PHF20: variants seen among roughly 807,000 people sequenced by gnomAD.
PHF20 encodes PHD finger protein 20, also known as glioma-expressed antigen 2.
In PHF20, 23 loss-of-function variants were observed where a neutral mutation model predicts 113.5. The observed-to-expected ratio is 0.20, with a 90% confidence interval of 0.15 to 0.29. The LOEUF (loss-of-function observed/expected upper bound fraction) is 0.29, where lower values mean the gene tolerates loss of function less well. Among genes scored for constraint, PHF20 ranks in the 10% least tolerant of loss-of-function variants. PHF20 has a pLI of 1.00. For missense variants in PHF20, 943 were observed against 1,219.6 expected, an observed-to-expected ratio of 0.77 and a Z score of 3.38; for synonymous variants, 434 against 457.3, an observed-to-expected ratio of 0.95 and a Z score of 0.65.
intron 2 of PHF20, among the ~76,000 whole-genome samples, chr20:35,823,989 CAT>C (rs1170070686): frequency 1.3e-5 from 2 of 152,176 alleles, no homozygotes; most frequent in Admixed American, 6.6e-5. Flanking sequence ...TGTTCAAAGA[CAT>C]ATGGATTGTT....
At chr20:35,934,072 GA>G in intron 15 of PHF20, among the ~76,000 whole-genome samples, 1 of 152,372 alleles carries the variant, frequency 6.6e-6, no homozygotes, top group South Asian at 2.1e-4. Flanking sequence ...AACAGTGGCA[GA>G]CTAGTGCGAT....
intron 2 of PHF20, among the ~76,000 whole-genome samples, chr20:35,802,314 TG>T (rs2041794635): frequency 1.3e-5 from 2 of 151,996 alleles, no homozygotes; most frequent in Admixed American, 1.3e-4. Context: ...AAGGTGAGCG[TG>T]GGGTTTTCAG....
At chr20:35,825,925 T>C (rs924045813) in intron 2 of PHF20, among the ~76,000 whole-genome samples, 1 of 152,230 alleles carries the variant, frequency 6.6e-6, no homozygotes, top group Non-Finnish European at 1.5e-5. Context: ...TATACACTTC[T>C]ATAGCCACCA....
intron 2 of PHF20, among the ~76,000 whole-genome samples, chr20:35,835,215 C>T (rs2042419255): frequency 6.6e-6 from 1 of 152,006 alleles, no homozygotes; most frequent in East Asian, 1.9e-4. Flanking sequence ...TCAGAGGTTG[C>T]AGTGAGCTGA....
intron 9 of PHF20, among the ~76,000 whole-genome samples, chr20:35,880,724 G>A (rs939493594): frequency 4.6e-5 from 7 of 152,112 alleles, no homozygotes; most frequent in Non-Finnish European, 8.8e-5. Context: ...ACTTTGGGAG[G>A]CTGACGCGGG....
At chr20:35,860,911 G>T (rs1026871393) in intron 5 of PHF20, among the ~76,000 whole-genome samples, 1 of 152,158 alleles carries the variant, frequency 6.6e-6, no homozygotes, top group Non-Finnish European at 1.5e-5. Context: ...TTGATGGATA[G>T]CACTCACAGT....
intron 15 of PHF20, among the ~76,000 whole-genome samples, chr20:35,936,533 T>G (rs2055868289): frequency 6.6e-6 from 1 of 152,242 alleles, no homozygotes; most frequent in East Asian, 1.9e-4. Context: ...CAGTAGATGC[T>G]CACAGGAGTC....
intron 16 of PHF20, 135 bp from the exon 17 acceptor site, chr20:35,940,728 GA>G: frequency 1.3e-6 from 1 of 761,658 alleles, no homozygotes; most frequent in Non-Finnish European, 2.2e-6. Context: ...TCCTAAGTGG[GA>G]AATAGGAAAG....
intron 15 of PHF20, among the ~76,000 whole-genome samples, chr20:35,932,579 C>T (rs754643961): frequency 2.2e-4 from 33 of 150,582 alleles, no homozygotes; most frequent in Non-Finnish European, 4.7e-4. Flanking sequence ...TACAGGCGCA[C>T]GCCACCACAC....
At chr20:35,832,365 C>G (rs1169187421) in intron 2 of PHF20, among the ~76,000 whole-genome samples, 2 of 152,164 alleles carry the variant, frequency 1.3e-5, no homozygotes, top group Admixed American at 1.3e-4. Flanking sequence ...TATAGACATA[C>G]TTAGATACTT....
rs147223503 is a variant in PHF20, at chr20:35,776,943, T to G, written c.-33+4864T>G. 3.3e-5 allele frequency among the ~76,000 whole-genome samples: 5 copies of G among 152,348 alleles called. No homozygotes were observed. The East Asian group carries it at 9.6e-4, about 29-fold the overall frequency. On this transcript the variant is annotated intron_variant, in intron 1 of 17. Coordinates refer to ENST00000374012, the MANE Select transcript of PHF20 (RefSeq NM_016436.5). ...CTGTGGTAGCTTGTTGCAGCAGATC[T>G]GATTTCTTTCATGTGCTCCCTTGGG...
intron 17 of PHF20, among the ~76,000 whole-genome samples, chr20:35,945,398 TATC>T (rs1286304972): frequency 1.7e-4 from 26 of 152,220 alleles, no homozygotes; most frequent in African/African-American, 2.4e-5. Flanking sequence ...GAACATGTGA[TATC>T]ATAGCACCTG....
At chr20:35,789,202 C>G (rs781488599) in intron 1 of PHF20, among the ~76,000 whole-genome samples, 13 of 152,104 alleles carry the variant, frequency 8.5e-5, no homozygotes, top group Middle Eastern at 3.4e-3. Context: ...GGGGGCAGAT[C>G]ACCTGGTCAG....
At chr20:35,822,980 C>T (rs566263658) in intron 2 of PHF20, among the ~76,000 whole-genome samples, 4 of 151,552 alleles carry the variant, frequency 2.6e-5, no homozygotes, top group Admixed American at 2.6e-4. Context: ...CCAATATTGA[C>T]ACCTCAGTAC....
At chr20:35,849,519 T>C in intron 4 of PHF20, 1 of 469,936 alleles carries the variant, frequency 2.1e-6, no homozygotes, top group South Asian at 1.6e-5. Context: ...TGTGTTTGTG[T>C]GTGGGATGGA....
At chr20:35,895,075 G>C (rs980872047) in intron 9 of PHF20, among the ~76,000 whole-genome samples, 2 of 152,044 alleles carry the variant, frequency 1.3e-5, no homozygotes, top group African/African-American at 4.8e-5. Context: ...CCAGGCTGGG[G>C]TACAGTGGCG....
chr20:35,869,590 C>T (rs1600851125), intron 7 of PHF20, 39 bp downstream of exon 7: 3 of 1,121,274 alleles, frequency 2.7e-6, no homozygotes, highest in Non-Finnish European at 4.1e-6. Flanking sequence ...TAGAATTTGA[C>T]GTTGTTTGGG....
At chr20:35,878,459 C>G (rs1224414108) in intron 9 of PHF20, 2 of 549,226 alleles carry the variant, frequency 3.6e-6, no homozygotes, top group Non-Finnish European at 6.4e-6. Context: ...ATCACTATGT[C>G]GACAAACACA....
chr20:35,780,958 AT>A (rs1458360886), intron 1 of PHF20, among the ~76,000 whole-genome samples: 5 of 145,556 alleles, frequency 3.4e-5, no homozygotes, highest in African/African-American at 1.0e-4. Context: ...AGTTCAAGTG[AT>A]TCTCTTACCT....
Sources: allele counts gnomAD v4.1 joint callset (sites outside exome capture counted in the v4.1 genomes callset), GRCh38; gene constraint gnomAD v4.1.1; transcripts MANE v1.5; gene names NCBI Gene and HGNC (gene_info 2026-07-23, HGNC 2026-07-21).